Variants in CWF19L2 observed in about 807,000 individuals in gnomAD.
CWF19L2 encodes the protein CWF19-like protein 2.
CWF19L2 carries 98 observed loss-of-function variants against 111.7 expected under a neutral mutation model. The observed-to-expected ratio is 0.88, with a 90% CI of 0.75 to 1.04. The LOEUF is 1.04. CWF19L2 is among the 50% of genes least tolerant of loss of function. CWF19L2 has a pLI of 0.00. For missense variants in CWF19L2, 1,101 were observed against 1,051.4 expected, an observed-to-expected ratio of 1.05 and a Z score of -0.65; for synonymous variants, 351 against 342.9, an observed-to-expected ratio of 1.02 and a Z score of -0.26.
At chr11:107,342,885 A>G (rs1860025621) in intron 14 of CWF19L2, among the ~76,000 whole-genome samples, 1 of 152,190 alleles carries the variant, frequency 6.6e-6, no homozygotes, top group Non-Finnish European at 1.5e-5. Context: ...AGGCAATATG[A>G]TGACAGAAGC....
chr11:107,386,426 C>G (rs756508453), intron 12 of CWF19L2, among the ~76,000 whole-genome samples: 2 of 152,184 alleles, frequency 1.3e-5, no homozygotes, highest in Non-Finnish European at 2.9e-5. Flanking sequence ...GTCAATTCTT[C>G]CCAAATTCAC....
rs756890162 is a variant in CWF19L2 at position 107,353,497 on chromosome 11, A to G, written c.2085+27T>C. On this transcript the variant is annotated intron_variant, in intron 13 of 17. Coordinates refer to ENST00000282251, the MANE Select transcript of CWF19L2 (RefSeq NM_152434.3). ...AACAAAAAAAGTTCTATGAGAATGT[A>G]AGCAAAGGATAATAAATACTTCTTA... 5.1e-6 allele frequency: 8 copies of G among 1,567,728 alleles called. No homozygotes were observed. The Admixed American group carries it at 1.3e-4, about 26-fold the overall frequency.
At chr11:107,431,018 T>C (rs529084743) in intron 7 of CWF19L2, among the ~76,000 whole-genome samples, 1 of 149,768 alleles carries the variant, frequency 6.7e-6, no homozygotes, top group East Asian at 1.9e-4. Flanking sequence ...AAAATAAAAT[T>C]AAAAAAAAAC....
At chr11:107,398,812 C>G (rs901223422) in intron 10 of CWF19L2, among the ~76,000 whole-genome samples, 3 of 152,150 alleles carry the variant, frequency 2.0e-5, no homozygotes, top group African/African-American at 4.8e-5. Flanking sequence ...TAAAGGAAAA[C>G]CCATCAGATC....
chr11:107,441,453 G>A, intron 5 of CWF19L2, 50 bp downstream of exon 5: 1 of 1,427,254 alleles, frequency 7.0e-7, no homozygotes, highest in Non-Finnish European at 9.2e-7. Context: ...TGTCTTGTAA[G>A]TTTATTAAAG....
At chr11:107,409,651 T>C (rs928590183) in intron 10 of CWF19L2, among the ~76,000 whole-genome samples, 2 of 152,106 alleles carry the variant, frequency 1.3e-5, no homozygotes. Flanking sequence ...GAATTAGGAT[T>C]GGATTTTTCC....
intron 7 of CWF19L2, among the ~76,000 whole-genome samples, chr11:107,429,831 G>A (rs673267): frequency 0.17 from 25,185 of 144,126 alleles, 2,368 homozygotes; most frequent in Middle Eastern, 0.27. Context: ...AAACAGAATA[G>A]TTCAAGAACA....
chr11:107,373,123 G>A (rs553195877), intron 12 of CWF19L2, among the ~76,000 whole-genome samples: 2 of 45,340 alleles, frequency 4.4e-5, no homozygotes, highest in East Asian at 5.4e-4. Flanking sequence ...AGGGTCCTAC[G>A]CCCACGGAGT....
chr11:107,374,393 G>T (rs1358000849), intron 12 of CWF19L2, among the ~76,000 whole-genome samples: 1 of 134,316 alleles, frequency 7.4e-6, no homozygotes, highest in East Asian at 2.1e-4. Context: ...ACCCTCAAAG[G>T]GAAGCCCATC....
chr11:107,361,601 C>T (rs1436035337), intron 12 of CWF19L2, among the ~76,000 whole-genome samples: 1 of 152,186 alleles, frequency 6.6e-6, no homozygotes, highest in Non-Finnish European at 1.5e-5. Flanking sequence ...GTCTTCTGGT[C>T]CATGAGAATG....
At chr11:107,341,991 T>C (rs1202727259) in intron 14 of CWF19L2, among the ~76,000 whole-genome samples, 2 of 152,078 alleles carry the variant, frequency 1.3e-5, no homozygotes, top group African/African-American at 4.8e-5. Context: ...TATTAATTTA[T>C]TTTTTTAAAA....
intron 5 of CWF19L2, among the ~76,000 whole-genome samples, chr11:107,439,569 CT>C (rs1467945449): frequency 2.6e-5 from 4 of 151,968 alleles, no homozygotes; most frequent in Non-Finnish European, 4.4e-5. Context: ...CAAAGACTTC[CT>C]AGAGGAAGTA....
chr11:107,359,995 T>A (rs1236691254), intron 12 of CWF19L2, among the ~76,000 whole-genome samples: 1 of 152,242 alleles, frequency 6.6e-6, no homozygotes, highest in East Asian at 1.9e-4. Flanking sequence ...CCTCTTAGTA[T>A]TCTCCTGTTG....
At chr11:107,439,443 C>A (rs961804470) in intron 5 of CWF19L2, among the ~76,000 whole-genome samples, 1 of 152,172 alleles carries the variant, frequency 6.6e-6, no homozygotes, top group Non-Finnish European at 1.5e-5. Context: ...TCAGCCCTTG[C>A]TAACTTTTAG....
chr11:107,361,208 A>G (rs1446532500), intron 12 of CWF19L2, among the ~76,000 whole-genome samples: 1 of 152,214 alleles, frequency 6.6e-6, no homozygotes, highest in South Asian at 2.1e-4. Flanking sequence ...TACTGAAAAG[A>G]GTATCTTTTC....
chr11:107,375,491 G>A (rs1203524346), intron 12 of CWF19L2, among the ~76,000 whole-genome samples: 1 of 137,960 alleles, frequency 7.2e-6, no homozygotes, highest in African/African-American at 2.8e-5. Context: ...TCAACTACAT[G>A]GAAACTGAAC....
At chr11:107,406,684 C>CTTTT (rs548040686) in intron 10 of CWF19L2, among the ~76,000 whole-genome samples, 2 of 140,552 alleles carry the variant, frequency 1.4e-5, no homozygotes, top group Non-Finnish European at 3.1e-5. Context: ...TTGTGTTTTC[C>CTTTT]TTTTTTTTTT....
intron 14 of CWF19L2, among the ~76,000 whole-genome samples, chr11:107,344,197 A>G (rs1157024791): frequency 6.6e-6 from 1 of 152,094 alleles, no homozygotes; most frequent in Non-Finnish European, 1.5e-5. Context: ...TGGGTAACAG[A>G]GTAAGACTCA....
At chr11:107,454,147 G>C (rs1861819542) in intron 3 of CWF19L2, among the ~76,000 whole-genome samples, 2 of 152,202 alleles carry the variant, frequency 1.3e-5, no homozygotes, top group South Asian at 4.1e-4. Flanking sequence ...CAGAGCCCCA[G>C]GGCCTTGAGT....
Sources: allele counts gnomAD v4.1 joint callset (sites outside exome capture counted in the v4.1 genomes callset), GRCh38; gene constraint gnomAD v4.1.1; transcripts MANE v1.5; gene names NCBI Gene and HGNC (gene_info 2026-07-23, HGNC 2026-07-21).